LRRC4C: variants seen among roughly 807,000 people sequenced by gnomAD.
LRRC4C encodes leucine rich repeat containing 4C, also known as leucine-rich repeat-containing protein 4C.
LRRC4C carries 5 observed loss-of-function variants against 33.6 expected under a neutral mutation model. The ratio of observed to expected loss-of-function variants is 0.15; its 90% CI spans 0.08 to 0.31. The LOEUF is 0.31. LRRC4C is among the 10% of genes least tolerant of loss of function. The probability of loss-of-function intolerance (pLI) is 1.00; values close to 1 mark genes in which losing one functional copy is unlikely to be tolerated. For missense variants in LRRC4C, 560 were observed against 796.7 expected, an observed-to-expected ratio of 0.70 and a Z score of 3.58; for synonymous variants, 329 against 302.0, an observed-to-expected ratio of 1.09 and a Z score of -0.93.
chr11:40,239,938 C>T (rs1470587727), intron 5 of LRRC4C, among the ~76,000 whole-genome samples: 1 of 152,172 alleles, frequency 6.6e-6, no homozygotes, highest in Admixed American at 6.6e-5. Context: ...GCAGCATCAG[C>T]ATCACGTGCG....
At chr11:40,871,668 C>A (rs1211478624) in intron 2 of LRRC4C, among the ~76,000 whole-genome samples, 1 of 152,138 alleles carries the variant, frequency 6.6e-6, no homozygotes, top group Non-Finnish European at 1.5e-5. Context: ...GAGATAAGAA[C>A]TCAGAGTTAT....
chr11:40,680,911 G>A (rs1472752053), intron 2 of LRRC4C, among the ~76,000 whole-genome samples: 1 of 152,128 alleles, frequency 6.6e-6, no homozygotes, highest in Non-Finnish European at 1.5e-5. Flanking sequence ...AAAATTGGAT[G>A]TGTATTTTAT....
At chr11:40,287,775 T>A (rs1468018942) in intron 4 of LRRC4C, among the ~76,000 whole-genome samples, 3 of 152,206 alleles carry the variant, frequency 2.0e-5, no homozygotes, top group Admixed American at 6.5e-5. Context: ...TTTCCACAAT[T>A]CACAAAGTAT....
At chr11:40,728,583 G>T (rs1375505897) in intron 2 of LRRC4C, among the ~76,000 whole-genome samples, 1 of 133,612 alleles carries the variant, frequency 7.5e-6, no homozygotes, top group Non-Finnish European at 1.5e-5. Context: ...CTGAGATTGC[G>T]CCACTGCACT....
chr11:40,570,750 A>AT (rs1197136628), intron 3 of LRRC4C, among the ~76,000 whole-genome samples: 2 of 152,046 alleles, frequency 1.3e-5, no homozygotes, highest in South Asian at 2.1e-4. Context: ...TTCTAAAGAC[A>AT]TTTTTTCTCT....
chr11:40,788,508 G>GT (rs1278824778), intron 2 of LRRC4C, among the ~76,000 whole-genome samples: 2 of 152,128 alleles, frequency 1.3e-5, no homozygotes, highest in African/African-American at 4.8e-5. Context: ...AGCTACCCCA[G>GT]ATACCATACT....
chr11:41,074,362 A>T (rs1004207154), intron 1 of LRRC4C, among the ~76,000 whole-genome samples: 1 of 152,182 alleles, frequency 6.6e-6, no homozygotes, highest in African/African-American at 2.4e-5. Flanking sequence ...TCTATAATGA[A>T]ATCATTTGCC....
At chr11:40,572,976 C>T (rs1476090561) in intron 3 of LRRC4C, among the ~76,000 whole-genome samples, 1 of 152,062 alleles carries the variant, frequency 6.6e-6, no homozygotes, top group Admixed American at 6.6e-5. Context: ...CTTCTGCAAC[C>T]ATATATGCAC....
chr11:40,980,052 T>G (rs1468679601), intron 1 of LRRC4C, among the ~76,000 whole-genome samples: 5 of 152,182 alleles, frequency 3.3e-5, no homozygotes, highest in African/African-American at 1.2e-4. Flanking sequence ...GAAAGGAAAG[T>G]GTCTGTCCTG....
At chr11:40,912,247 G>T (rs182324807) in intron 2 of LRRC4C, among the ~76,000 whole-genome samples, 201 of 152,196 alleles carry the variant, frequency 1.3e-3, no homozygotes, top group African/African-American at 4.7e-3. Context: ...ATAATTGTCA[G>T]ATTTACCAAA....
intron 2 of LRRC4C, among the ~76,000 whole-genome samples, chr11:40,749,745 G>A (rs1014798396): frequency 6.6e-6 from 1 of 150,932 alleles, no homozygotes; most frequent in Non-Finnish European, 1.5e-5. Context: ...ACCACAAAGA[G>A]AGAAGACCCA....
Position 40,758,373 on chromosome 11 carries a change from A to G in LRRC4C, c.-406-110095T>C, listed in dbSNP as rs901287827. On this transcript the variant is annotated intron_variant, in intron 2 of 6. Coordinates refer to ENST00000528697, the MANE Select transcript of LRRC4C (RefSeq NM_001258419.2). ...AGGGTCCTCTCCTCCTGCTATGTGC[A>G]TGGTAATTAGGGCCTGGAGAAATGA... Among the ~76,000 whole-genome samples the G allele has an allele frequency of 3.3e-5, 5 of 151,990 alleles. No homozygotes were observed. In the East Asian group the frequency reaches 7.7e-4, roughly 23 times the overall value.
intron 5 of LRRC4C, among the ~76,000 whole-genome samples, chr11:40,213,181 G>C (rs536353542): frequency 6.6e-6 from 1 of 152,250 alleles, no homozygotes; most frequent in South Asian, 2.1e-4. Context: ...CAATAATGTA[G>C]TACTGTTAGA....
At chr11:40,757,986 C>T (rs1949030387) in intron 2 of LRRC4C, among the ~76,000 whole-genome samples, 2 of 151,992 alleles carry the variant, frequency 1.3e-5, no homozygotes, top group African/African-American at 2.4e-5. Context: ...GAGTAGGATG[C>T]ATTATGTGCT....
intron 3 of LRRC4C, among the ~76,000 whole-genome samples, chr11:40,543,333 C>T (rs541743683): frequency 6.6e-6 from 1 of 152,040 alleles, no homozygotes; most frequent in Non-Finnish European, 1.5e-5. Flanking sequence ...AATTTGCAGG[C>T]TCTGGTTTAT....
chr11:40,519,331 G>A (rs919157501), intron 3 of LRRC4C, among the ~76,000 whole-genome samples: 1 of 152,116 alleles, frequency 6.6e-6, no homozygotes, highest in Non-Finnish European at 1.5e-5. Flanking sequence ...TTAAATATTA[G>A]ATAATGTTTT....
At chr11:41,234,366 G>A (rs887895995) in intron 1 of LRRC4C, among the ~76,000 whole-genome samples, 2 of 151,492 alleles carry the variant, frequency 1.3e-5, no homozygotes, top group African/African-American at 4.9e-5. Context: ...TTTCTTTTTT[G>A]GTGAGAATGC....
At chr11:41,311,168 G>A (rs1395245904) in intron 1 of LRRC4C, among the ~76,000 whole-genome samples, 1 of 152,198 alleles carries the variant, frequency 6.6e-6, no homozygotes, top group East Asian at 1.9e-4. Flanking sequence ...AGGCAGTGAA[G>A]CTATGCCGTG....
chr11:40,461,575 ATTGT>A (rs935028717), intron 3 of LRRC4C, among the ~76,000 whole-genome samples: 5 of 151,742 alleles, frequency 3.3e-5, no homozygotes, highest in Non-Finnish European at 5.9e-5. Context: ...TACTTTTCAA[ATTGT>A]TTGATAACTC....
Sources: gnomAD v4.1 joint callset for allele counts (sites outside exome capture counted in the v4.1 genomes callset) on GRCh38, gnomAD v4.1.1 for gene constraint, MANE v1.5 for transcripts, NCBI Gene and HGNC (gene_info 2026-07-23, HGNC 2026-07-21) for gene names.